The following CLVS1 variants were observed in gnomAD, a reference collection of about 807,000 sequenced individuals.
The protein encoded by CLVS1 is clavesin 1.
A neutral mutation model predicts 33.1 loss-of-function variants in CLVS1; 10 were observed. That is an observed-to-expected ratio of 0.30 (90% confidence interval 0.19 to 0.51). The LOEUF (loss-of-function observed/expected upper bound fraction) is 0.51. Ranked by LOEUF, CLVS1 falls within the 20% of genes least tolerant of loss-of-function variation. CLVS1 has a pLI of 0.97. For synonymous variants in CLVS1, 163 were observed against 166.1 expected (o/e 0.98, Z 0.14); for missense variants, 343 against 433.4 (o/e 0.79, Z 1.85).
At chr8:61,185,400 C>T (rs1441714221) in intron 2 of CLVS1, among the ~76,000 whole-genome samples, 5 of 151,668 alleles carry the variant, frequency 3.3e-5, no homozygotes, top group South Asian at 2.1e-4. Context: ...GCTATCCTCC[C>T]GCCTCGGCCT....
At chr8:61,116,239 A>C (rs1805721667) in intron 1 of CLVS1, among the ~76,000 whole-genome samples, 1 of 151,260 alleles carries the variant, frequency 6.6e-6, no homozygotes, top group East Asian at 1.9e-4. Context: ...TTTTCTTGTA[A>C]ATTTGTTTGA....
At chr8:61,175,623 C>G (rs891214592) in intron 2 of CLVS1, among the ~76,000 whole-genome samples, 8 of 152,086 alleles carry the variant, frequency 5.3e-5, no homozygotes, top group African/African-American at 1.9e-4. Flanking sequence ...GATTTAAAGG[C>G]ACAGGGAAGA....
At chr8:61,242,205 A>G (rs1044080276) in intron 2 of CLVS1, among the ~76,000 whole-genome samples, 1 of 152,054 alleles carries the variant, frequency 6.6e-6, no homozygotes, top group Non-Finnish European at 1.5e-5. Context: ...TAAATTTTAG[A>G]TATTTTCAGT....
chr8:61,286,266 T>C (rs974732229), upstream of CLVS1, among the ~76,000 whole-genome samples: 1 of 152,152 alleles, frequency 6.6e-6, no homozygotes, highest in Non-Finnish European at 1.5e-5. Context: ...CCTGCCCATA[T>C]GTAATAGGGC....
chr8:61,336,910 G>A (rs1166501418), intron 2 of CLVS1, among the ~76,000 whole-genome samples: 2 of 152,250 alleles, frequency 1.3e-5, no homozygotes, highest in Admixed American at 6.5e-5. Flanking sequence ...AACCTCTTCT[G>A]TATCCAAAAC....
At chr8:61,267,583 C>T (rs3864675) in intron 2 of CLVS1, among the ~76,000 whole-genome samples, 40,295 of 152,016 alleles carry the variant, frequency 0.27, 6,515 homozygotes, top group Non-Finnish European at 0.35. Flanking sequence ...TAGACCCATT[C>T]GTATTTCCCA....
chr8:61,299,901 AT>A lies in CLVS1; in HGVS notation c.77del (p.Leu26TyrfsTer10), dbSNP rs1810368245. On this transcript the variant is annotated frameshift_variant, in exon 2 of 6. Coordinates refer to ENST00000325897, the MANE Select transcript of CLVS1 (RefSeq NM_173519.3). LOFTEE classifies it high-confidence loss of function. ...AACGGAGATTTGGCCAAGATGACCC[AT>A]TTACAGGCTGGACTCAGTCCAGAGA... ...TWNGDLAKMT[H>X]LQAGLSPETI... 3 of 1,613,848 alleles carry A rather than the reference AT, an allele frequency of 1.9e-6. No individual in the cohort carries two copies.
At chr8:61,329,759 C>A (rs1811523429) in intron 2 of CLVS1, among the ~76,000 whole-genome samples, 1 of 152,204 alleles carries the variant, frequency 6.6e-6, no homozygotes, top group Non-Finnish European at 1.5e-5. Context: ...TTAAAAAACT[C>A]ATTACATTTT....
intron 3 of CLVS1, among the ~76,000 whole-genome samples, chr8:61,421,424 G>A (rs765245637): frequency 7.9e-5 from 12 of 152,142 alleles, no homozygotes; most frequent in Non-Finnish European, 8.8e-5. Context: ...ACATGTGTGG[G>A]GTGTTTCTCC....
chr8:61,300,595 T>G (rs1254223518), intron 2 of CLVS1: 1 of 221,210 alleles, frequency 4.5e-6, no homozygotes, highest in Non-Finnish European at 8.8e-6. Flanking sequence ...TGTTCTCATC[T>G]TTAATAAGAA....
At chr8:61,312,101 A>G (rs1353448323) in intron 2 of CLVS1, among the ~76,000 whole-genome samples, 2 of 152,156 alleles carry the variant, frequency 1.3e-5, no homozygotes, top group African/African-American at 4.8e-5. Flanking sequence ...CCAGTTCTCA[A>G]CAAGCCAGGA....
intron 1 of CLVS1, among the ~76,000 whole-genome samples, chr8:61,091,567 A>T (rs1460159815): frequency 1.3e-5 from 2 of 152,226 alleles, no homozygotes; most frequent in Non-Finnish European, 2.9e-5. Flanking sequence ...ATAACTGGTG[A>T]ATCTATTTTT....
At chr8:61,378,534 A>C (rs1264177615) in intron 3 of CLVS1, among the ~76,000 whole-genome samples, 1 of 152,142 alleles carries the variant, frequency 6.6e-6, no homozygotes, top group Non-Finnish European at 1.5e-5. Context: ...TCCAAGACGA[A>C]TTTCATAATG....
rs1369793629 is a variant in CLVS1 at position 61,501,397 on chromosome 8, C to A, written c.*1855C>A. 1.3e-5 allele frequency: 2 copies of A among 152,094 alleles called. No homozygotes were observed. Among genetic ancestry groups the A allele is most frequent in the African/African-American group, 2.4e-5 (1 of 41,418 alleles). 9.4% of individuals were successfully genotyped at this position (152,094 alleles called of 1,614,324 possible). A position where few individuals can be genotyped will look rare whatever the true frequency, so the allele number is the denominator to read the frequency against. On this transcript the variant is annotated 3_prime_UTR_variant, in exon 6 of 6. Transcript: ENST00000325897. ...TACTGTAGTGACCTGATTTTAAATA[C>A]CATATTATATTTACTAAGTTAAGAG... is the stretch of plus-strand genomic sequence containing the variant.
intron 3 of CLVS1, among the ~76,000 whole-genome samples, chr8:61,451,483 C>A (rs1381724998): frequency 6.6e-6 from 1 of 152,028 alleles, no homozygotes; most frequent in Non-Finnish European, 1.5e-5. Context: ...AGGATTAATG[C>A]CATTTTCTTG....
At chr8:61,190,054 A>C (rs1345525660) in intron 2 of CLVS1, among the ~76,000 whole-genome samples, 1 of 152,206 alleles carries the variant, frequency 6.6e-6, no homozygotes, top group South Asian at 2.1e-4. Context: ...CTCCACCCCA[A>C]ATCAACAGAA....
chr8:61,480,220 G>T (rs1039871259), intron 5 of CLVS1, among the ~76,000 whole-genome samples: 1 of 152,240 alleles, frequency 6.6e-6, no homozygotes, highest in Non-Finnish European at 1.5e-5. Flanking sequence ...TTGAGCTGTG[G>T]TGGGCTCCAC....
intron 2 of CLVS1, among the ~76,000 whole-genome samples, chr8:61,164,514 G>A (rs1308798017): frequency 2.6e-5 from 4 of 151,922 alleles, no homozygotes; most frequent in East Asian, 3.9e-4. Context: ...CAACATGGCC[G>A]CCCCCACATA....
At chr8:61,170,714 T>C (rs1806976847) in intron 2 of CLVS1, among the ~76,000 whole-genome samples, 2 of 152,210 alleles carry the variant, frequency 1.3e-5, no homozygotes, top group African/African-American at 4.8e-5. Flanking sequence ...GAGAACCTCA[T>C]GGCATAATCT....
Sources: gnomAD v4.1 joint callset for allele counts (sites outside exome capture counted in the v4.1 genomes callset) on GRCh38, gnomAD v4.1.1 for gene constraint, MANE v1.5 for transcripts, NCBI Gene and HGNC (gene_info 2026-07-23, HGNC 2026-07-21) for gene names.